Variants in AGBL1 observed in about 807,000 individuals in gnomAD.
AGBL1 encodes the protein cytosolic carboxypeptidase 4.
A neutral mutation model predicts 118.9 loss-of-function variants in AGBL1; 130 were observed. That is an observed-to-expected ratio of 1.09 (90% confidence interval 0.95 to 1.26). The LOEUF is 1.26. Among genes scored for constraint, AGBL1 ranks in the 50% most tolerant of loss-of-function variants. AGBL1 has a pLI of 0.00. For synonymous variants in AGBL1, 555 were observed against 478.9 expected (o/e 1.16, Z -2.08); for missense variants, 1,584 against 1,298.1 (o/e 1.22, Z -3.38).
rs573396361 is a variant in AGBL1, at chr15:86,821,232, C to T, written c.3159-85855C>T. Among the ~76,000 whole-genome samples the T allele has an allele frequency of 6.7e-4, 102 of 151,996 alleles. 1 individual carries two copies. The highest frequency in any genetic ancestry group is 2.1e-3 in the African/African-American group (89 of 41,450). ...TAGGAGAAATACCTAATATAGATGA[C>T]GGGTTGATGAGTGCAGCAAACCACC... On this transcript the variant is annotated intron_variant, in intron 22 of 22. Transcript: ENST00000614907.
At chr15:86,671,323 A>G (rs1413888501) in intron 21 of AGBL1, among the ~76,000 whole-genome samples, 2 of 152,186 alleles carry the variant, frequency 1.3e-5, no homozygotes, top group Non-Finnish European at 1.5e-5. Flanking sequence ...TTATTTTATT[A>G]CATTGCTGAA....
chr15:86,278,823 C>T (rs868268553), intron 15 of AGBL1, among the ~76,000 whole-genome samples: 9 of 152,164 alleles, frequency 5.9e-5, no homozygotes, highest in Middle Eastern at 3.2e-3. Context: ...AAATATTGCT[C>T]GGAATGGACT....
At chr15:86,407,577 A>G (rs1289523432) in intron 18 of AGBL1, among the ~76,000 whole-genome samples, 2 of 152,188 alleles carry the variant, frequency 1.3e-5, no homozygotes, top group African/African-American at 4.8e-5. Context: ...GTTTTACTAT[A>G]GGTCAGATAG....
chr15:86,990,717 C>A (rs934543475), intron 24 of AGBL1, among the ~76,000 whole-genome samples: 20 of 152,100 alleles, frequency 1.3e-4, no homozygotes, highest in African/African-American at 4.8e-4. Context: ...GGTAAAATAC[C>A]TGCACATGTT....
At position 86,907,553 on chromosome 15, in the gene AGBL1, A is replaced by G. The variant is rs778423399; in HGVS notation, c.*259A>G. The G allele has an allele frequency of 6.6e-6, 1 of 152,180 alleles. No homozygotes were observed. The highest frequency in any genetic ancestry group is 1.5e-5 in the Non-Finnish European group (1 of 68,024). 9.4% of individuals were successfully genotyped at this position (152,180 alleles called of 1,614,324 possible). ...GCTATTGTACTTAGAATGGGACCCA[A>G]TGGGTAGCCTCAAGATTACCATGGA... On this transcript the variant is annotated 3_prime_UTR_variant, in exon 23 of 23. Transcript: ENST00000614907.
chr15:86,376,620 G>C (rs1388792033), intron 17 of AGBL1, among the ~76,000 whole-genome samples: 1 of 152,230 alleles, frequency 6.6e-6, no homozygotes, highest in Non-Finnish European at 1.5e-5. Context: ...ATTGGGGCTT[G>C]ATTGCATACT....
At chr15:86,570,285 C>T (rs568374684) in intron 21 of AGBL1, among the ~76,000 whole-genome samples, 4 of 152,212 alleles carry the variant, frequency 2.6e-5, no homozygotes, top group African/African-American at 4.8e-5. Flanking sequence ...AGCTATTGTC[C>T]AGGCTCTTGA....
At chr15:86,635,024 G>T (rs2085052765) in intron 21 of AGBL1, among the ~76,000 whole-genome samples, 1 of 152,030 alleles carries the variant, frequency 6.6e-6, no homozygotes, top group Non-Finnish European at 1.5e-5. Context: ...AGGACATTCT[G>T]CATAAACAAA....
At chr15:86,378,095 C>T (rs1253299960) in intron 17 of AGBL1, among the ~76,000 whole-genome samples, 2 of 152,260 alleles carry the variant, frequency 1.3e-5, no homozygotes, top group South Asian at 2.1e-4. Context: ...CTAAAACAGT[C>T]ATACCACAGT....
chr15:86,967,332 T>G (rs1331822805), intron 23 of AGBL1, among the ~76,000 whole-genome samples: 1 of 152,166 alleles, frequency 6.6e-6, no homozygotes, highest in Non-Finnish European at 1.5e-5. Flanking sequence ...TTAGTTTAAT[T>G]AGATCCCATT....
At chr15:86,534,204 T>C (rs941560402) in intron 19 of AGBL1, among the ~76,000 whole-genome samples, 5 of 150,692 alleles carry the variant, frequency 3.3e-5, no homozygotes, top group Admixed American at 2.0e-4. Flanking sequence ...ACAAGGAAAC[T>C]GGAGTGGTAG....
chr15:86,449,885 A>G (rs906102126), intron 18 of AGBL1, among the ~76,000 whole-genome samples: 1 of 152,138 alleles, frequency 6.6e-6, no homozygotes, highest in African/African-American at 2.4e-5. Flanking sequence ...AGTGACATCC[A>G]TGGCTCTGTA....
rs145260199 is a variant in AGBL1 at position 86,205,753 on chromosome 15, G to A, written c.489-19161G>A. On this transcript the variant is annotated intron_variant, in intron 5 of 22. Coordinates refer to ENST00000614907, the MANE Select transcript of AGBL1 (RefSeq NM_001386094.1). ...TGCTTTGACATCTGTATGTCTTCTT[G>A]ATAAGGTGTCTGTTAGGGTTTTTAG... 5.8e-4 allele frequency among the ~76,000 whole-genome samples: 88 copies of A among 152,278 alleles called. 1 individual carries two copies. The East Asian group carries it at 0.015, about 26-fold the overall frequency.
intron 23 of AGBL1, among the ~76,000 whole-genome samples, chr15:86,959,733 A>T (rs775032196): frequency 1.6e-4 from 24 of 151,936 alleles, no homozygotes; most frequent in African/African-American, 5.8e-4. Flanking sequence ...CAACACATTC[A>T]TCTCTGTGCT....
rs962844971 is a variant in AGBL1 at position 86,266,425 on chromosome 15, A to G, written c.1719A>G (p.Ile573Met). ...IRRLIQPSDVINKVVFSLDEP... is the reference protein window; with the variant it reads ...IRRLIQPSDVMNKVVFSLDEP... ...GGCTCATCCAGCCAAGTGATGTTAT[A>G]AATAAAGTTGTCTTCAGTTTAGATG... is the stretch of plus-strand genomic sequence containing the variant. Residue 573 changes from isoleucine (I) to methionine (M), a missense_variant, in exon 12 of 23, where the codon ATA becomes ATG. Ile to Met is a conservative substitution (Grantham distance 10, BLOSUM62 1). Transcript: ENST00000614907. The G allele has an allele frequency of 1.3e-6, 2 of 1,576,966 alleles. No individual in the cohort carries two copies. Among genetic ancestry groups the G allele is most frequent in the African/African-American group, 2.7e-5 (2 of 74,448 alleles).
chr15:86,225,033 CTTT>C (rs35578252), intron 6 of AGBL1, 82 bp downstream of exon 6: 2,527 of 1,023,302 alleles, frequency 2.5e-3, no homozygotes, highest in East Asian at 3.1e-3. Flanking sequence ...ATGGCTGTTT[CTTT>C]TTTTTTTTTT....
At chr15:86,308,763 C>T (rs2079877603) in intron 17 of AGBL1, among the ~76,000 whole-genome samples, 1 of 152,182 alleles carries the variant, frequency 6.6e-6, no homozygotes, top group Non-Finnish European at 1.5e-5. Flanking sequence ...GCTCCTTATT[C>T]TGTTCCATTG....
chr15:86,732,290 T>C (rs75007541), intron 22 of AGBL1, among the ~76,000 whole-genome samples: 1,866 of 152,360 alleles, frequency 0.012, 29 homozygotes, highest in East Asian at 0.068. Context: ...TATGTGATGT[T>C]TTCCAGCGTT....
At chr15:86,650,301 A>G (rs1027684154) in intron 21 of AGBL1, among the ~76,000 whole-genome samples, 6 of 152,134 alleles carry the variant, frequency 3.9e-5, no homozygotes, top group Non-Finnish European at 5.9e-5. Context: ...GGCCAATCAG[A>G]TGAAAGTGAA....
Sources: allele counts gnomAD v4.1 joint callset (sites outside exome capture counted in the v4.1 genomes callset), GRCh38; gene constraint gnomAD v4.1.1; transcripts MANE v1.5; gene names NCBI Gene and HGNC (gene_info 2026-07-23, HGNC 2026-07-21).